Variants in PRDM16 observed in about 807,000 individuals in gnomAD.
PRDM16 encodes the protein histone-lysine N-methyltransferase PRDM16.
A neutral mutation model predicts 110.6 loss-of-function variants in PRDM16; 23 were observed. The observed-to-expected ratio is 0.21, with a 90% CI of 0.15 to 0.29. PRDM16 has a LOEUF of 0.29. PRDM16 is among the 10% of genes least tolerant of loss of function. The pLI, the probability that PRDM16 is intolerant of heterozygous loss-of-function variation, is 1.00. For missense variants in PRDM16, 1,615 were observed against 1,794.3 expected (o/e 0.90, Z 1.81); for synonymous variants, 799 against 781.8 (o/e 1.02, Z -0.37).
At chr1:3,158,856 C>T (rs1174082017) in intron 1 of PRDM16, among the ~76,000 whole-genome samples, 4 of 151,676 alleles carry the variant, frequency 2.6e-5, no homozygotes, top group Non-Finnish European at 5.9e-5. Flanking sequence ...TCACTGCAAC[C>T]CCCGCCTCCT....
intron 1 of PRDM16, among the ~76,000 whole-genome samples, chr1:3,120,155 CAG>C (rs780503648): frequency 5.3e-5 from 8 of 150,976 alleles, no homozygotes; most frequent in Admixed American, 4.6e-4. Context: ...TCACCGTCGG[CAG>C]AGTTATCAGT....
chr1:3,403,095 C>T (rs1354067302), intron 6 of PRDM16, 97 bp downstream of exon 6: 2 of 1,028,476 alleles, frequency 1.9e-6, no homozygotes, highest in Non-Finnish European at 2.9e-6. Context: ...CCTCCCCTCC[C>T]TTCCCCCGCC....
chr1:3,311,338 T>C (rs1227531688), intron 3 of PRDM16, among the ~76,000 whole-genome samples: 1 of 151,956 alleles, frequency 6.6e-6, no homozygotes, highest in Non-Finnish European at 1.5e-5. Context: ...AAGGCCAGAG[T>C]TGGGGAGAGG....
chr1:3,264,102 C>T (rs1640230597), intron 3 of PRDM16, among the ~76,000 whole-genome samples: 1 of 152,202 alleles, frequency 6.6e-6, no homozygotes, highest in African/African-American at 2.4e-5. Flanking sequence ...GGCCCTTCCC[C>T]AGAGCCCACC....
rs569597796 is a variant in PRDM16, at chr1:3,208,918, A to G, written c.387+22444A>G. Among the ~76,000 whole-genome samples, 1 of 152,266 alleles carries G rather than the reference A, an allele frequency of 6.6e-6. No individual in the cohort carries two copies. The highest frequency in any genetic ancestry group is 2.1e-4 in the South Asian group (1 of 4,818). ...GGGTGGAAAGTCTTGGGGACAGAAGAAACCTGGCTTTTCCCATGAACAGAT... is the reference window on the plus strand; with the variant it reads ...GGGTGGAAAGTCTTGGGGACAGAAGGAACCTGGCTTTTCCCATGAACAGAT... On this transcript the variant is annotated intron_variant, in intron 2 of 16. Coordinates refer to ENST00000270722, the MANE Select transcript of PRDM16 (RefSeq NM_022114.4). This position sits in a 1 kb window ranked among gnomAD's most constrained non-coding sequence, Gnocchi z 6.1.
chr1:3,356,281 C>T (rs1244495579), intron 3 of PRDM16, among the ~76,000 whole-genome samples: 1 of 152,202 alleles, frequency 6.6e-6, no homozygotes, highest in Non-Finnish European at 1.5e-5. Flanking sequence ...CCCCCCTGCG[C>T]CAAGCCACCA....
At chr1:3,178,124 C>A (rs1273198867) in intron 1 of PRDM16, among the ~76,000 whole-genome samples, 1 of 152,142 alleles carries the variant, frequency 6.6e-6, no homozygotes, top group Non-Finnish European at 1.5e-5. Flanking sequence ...GGATCCTCCC[C>A]CTGCCAGCGA....
intron 3 of PRDM16, among the ~76,000 whole-genome samples, chr1:3,249,092 C>T (rs1639863990): frequency 6.6e-6 from 1 of 152,234 alleles, no homozygotes; most frequent in African/African-American, 2.4e-5. Context: ...CCTGGCCATG[C>T]CAGGCTTTTA....
intron 3 of PRDM16, among the ~76,000 whole-genome samples, chr1:3,322,629 C>T (rs1307666450): frequency 2.0e-5 from 3 of 152,190 alleles, no homozygotes; most frequent in African/African-American, 7.2e-5. Flanking sequence ...GTGGTGTAGG[C>T]CAGTGCCTGG....
chr1:3,329,029 C>T (rs151028935), intron 3 of PRDM16, among the ~76,000 whole-genome samples: 69 of 124,324 alleles, frequency 5.6e-4, no homozygotes, highest in African/African-American at 1.6e-3. Context: ...TCCCCCCAGG[C>T]GAGGAATGGG....
intron 3 of PRDM16, among the ~76,000 whole-genome samples, chr1:3,281,593 G>C (rs1293537357): frequency 1.3e-5 from 2 of 152,202 alleles, no homozygotes; most frequent in Admixed American, 1.3e-4. Flanking sequence ...TAGATTCATT[G>C]ATGAGTTATG....
At chr1:3,186,535 A>G (rs1214146570) in intron 2 of PRDM16, 61 bp downstream of exon 2, 1 of 1,164,884 alleles carries the variant, frequency 8.6e-7, no homozygotes, top group Non-Finnish European at 1.2e-6. Context: ...CAATCTATTT[A>G]TAAAGCCGGG....
chr1:3,142,012 C>T (rs918693746), intron 1 of PRDM16, among the ~76,000 whole-genome samples: 5 of 152,262 alleles, frequency 3.3e-5, no homozygotes, highest in African/African-American at 7.2e-5. Flanking sequence ...ACTGTGCATT[C>T]GTCAGCCATG....
intron 1 of PRDM16, among the ~76,000 whole-genome samples, chr1:3,122,617 A>T (rs1209401512): frequency 6.6e-6 from 1 of 152,140 alleles, no homozygotes; most frequent in Non-Finnish European, 1.5e-5. Flanking sequence ...ACGAGTGGAA[A>T]AAATGAACCG....
intron 2 of PRDM16, among the ~76,000 whole-genome samples, chr1:3,221,293 C>A (rs1461749240): frequency 2.0e-5 from 3 of 152,246 alleles, no homozygotes; most frequent in Admixed American, 2.0e-4. Flanking sequence ...TTCCAGCGCT[C>A]AGTTGCCTGC....
chr1:3,347,700 C>T (rs1008205162), intron 3 of PRDM16, among the ~76,000 whole-genome samples: 3 of 152,230 alleles, frequency 2.0e-5, no homozygotes, highest in Non-Finnish European at 4.4e-5. Flanking sequence ...GCTGAATGGG[C>T]AGGTTCCGGG....
intron 3 of PRDM16, among the ~76,000 whole-genome samples, chr1:3,352,912 G>A (rs542715956): frequency 6.6e-6 from 1 of 152,250 alleles, no homozygotes; most frequent in Admixed American, 6.5e-5. Flanking sequence ...CAAGTCCCAC[G>A]TCGGGGAGGG....
intron 3 of PRDM16, among the ~76,000 whole-genome samples, chr1:3,277,465 A>G (rs1220511861): frequency 1.3e-5 from 2 of 152,170 alleles, no homozygotes; most frequent in African/African-American, 4.8e-5. Flanking sequence ...TCTCCTCACC[A>G]CAGGGTCTCT....
intron 15 of PRDM16, 67 bp from the exon 16 acceptor site, chr1:3,431,899 C>T: frequency 5.9e-6 from 9 of 1,538,388 alleles, no homozygotes; most frequent in East Asian, 2.3e-5. Context: ...GGGCTTGCAG[C>T]ATCAGAGAGG....
Sources: gnomAD v4.1 joint callset for allele counts (sites outside exome capture counted in the v4.1 genomes callset) on GRCh38, gnomAD v4.1.1 for gene constraint, Gnocchi (gnomAD v3.1) non-coding constraint, MANE v1.5 for transcripts, NCBI Gene and HGNC (gene_info 2026-07-23, HGNC 2026-07-21) for gene names.